The following RBMS3 variants were observed in gnomAD, a reference collection of about 807,000 sequenced individuals.
RBMS3 encodes RNA-binding motif, single-stranded-interacting protein 3.
In RBMS3, 27 loss-of-function variants were observed where a neutral mutation model predicts 66.8. The observed-to-expected ratio is 0.40, with a 90% CI of 0.30 to 0.56. RBMS3 has a LOEUF of 0.56. Ranked by LOEUF, RBMS3 falls within the 20% of genes least tolerant of loss-of-function variation. RBMS3 has a pLI of 0.40. For missense variants in RBMS3, 513 were observed against 549.5 expected (o/e 0.93, Z 0.66); for synonymous variants, 188 against 183.0 (o/e 1.03, Z -0.22).
chr3:29,470,687 A>G (rs373047592), intron 2 of RBMS3, among the ~76,000 whole-genome samples: 2 of 152,086 alleles, frequency 1.3e-5, no homozygotes, highest in African/African-American at 4.8e-5. Flanking sequence ...TGATACTTGC[A>G]TTAGTTTGAA....
At chr3:29,367,385 C>T (rs931146913) in intron 1 of RBMS3, among the ~76,000 whole-genome samples, 5 of 151,966 alleles carry the variant, frequency 3.3e-5, no homozygotes, top group Non-Finnish European at 7.4e-5. Flanking sequence ...TGAGTGTCTA[C>T]GTGTGTGAGT....
intron 3 of RBMS3, among the ~76,000 whole-genome samples, chr3:29,514,960 C>T (rs1241295372): frequency 6.6e-6 from 1 of 151,888 alleles, no homozygotes; most frequent in Non-Finnish European, 1.5e-5. Context: ...GTCAACGTTA[C>T]CAGCATTTCA....
chr3:29,354,390 C>A (rs960074038), intron 1 of RBMS3, among the ~76,000 whole-genome samples: 4 of 152,126 alleles, frequency 2.6e-5, no homozygotes, highest in African/African-American at 7.2e-5. Flanking sequence ...AAACTGTATT[C>A]TTGCTTCTCA....
chr3:29,958,385 T>A (rs552398192), intron 12 of RBMS3, among the ~76,000 whole-genome samples: 1 of 152,170 alleles, frequency 6.6e-6, no homozygotes, highest in Non-Finnish European at 1.5e-5. Flanking sequence ...TTCCTCTTGA[T>A]TTTTCTCATT....
At chr3:29,534,581 T>A (rs757071368) in intron 3 of RBMS3, among the ~76,000 whole-genome samples, 2 of 152,240 alleles carry the variant, frequency 1.3e-5, no homozygotes, top group Non-Finnish European at 2.9e-5. Flanking sequence ...TCTTTACACC[T>A]TGAGTTAGCA....
chr3:29,281,327 A>T lies in RBMS3; in HGVS notation c.-355A>T, dbSNP rs1273854063. On this transcript the variant is annotated 5_prime_UTR_variant, in exon 1 of 15. Coordinates refer to ENST00000383767, the MANE Select transcript of RBMS3 (RefSeq NM_001003793.3). ...AGGACTTTGATTTTTTTCCCCCTTT[A>T]CGAACGCTGGCAATTGACATCACTA... The T allele has an allele frequency of 1.5e-5, 4 of 268,428 alleles. No individual in the cohort carries two copies. Among genetic ancestry groups the T allele is most frequent in the Non-Finnish European group, 2.8e-5 (4 of 145,152 alleles). The allele number at this position is 268,428 out of a possible 1,614,324, so 16.6% of individuals were successfully genotyped here.
chr3:29,488,850 T>C (rs995417474), intron 3 of RBMS3, among the ~76,000 whole-genome samples: 2 of 152,234 alleles, frequency 1.3e-5, no homozygotes, highest in Non-Finnish European at 2.9e-5. Context: ...AACTTCCCCA[T>C]GCAAAACACA....
chr3:29,912,786 T>C (rs2149635745), intron 10 of RBMS3, among the ~76,000 whole-genome samples: 1 of 152,152 alleles, frequency 6.6e-6, no homozygotes, highest in Non-Finnish European at 1.5e-5. Context: ...TTGGCTGACA[T>C]GTGGCTTATT....
chr3:29,347,688 G>T (rs2036661036), intron 1 of RBMS3, among the ~76,000 whole-genome samples: 1 of 152,128 alleles, frequency 6.6e-6, no homozygotes, highest in Admixed American at 6.5e-5. Context: ...AGTTTGGATG[G>T]AATTACAATT....
chr3:29,611,159 A>G (rs925010261), intron 4 of RBMS3, among the ~76,000 whole-genome samples: 6 of 152,058 alleles, frequency 3.9e-5, no homozygotes, highest in Admixed American at 3.3e-4. Flanking sequence ...GTTCAATGAC[A>G]TATTTTACTA....
intron 1 of RBMS3, among the ~76,000 whole-genome samples, chr3:29,373,978 C>G (rs2038339371): frequency 6.6e-6 from 1 of 152,080 alleles, no homozygotes; most frequent in African/African-American, 2.4e-5. Flanking sequence ...AGCATTAGAG[C>G]ATTAGACACA....
At chr3:29,415,301 T>A (rs897984220) in intron 1 of RBMS3, among the ~76,000 whole-genome samples, 1 of 152,196 alleles carries the variant, frequency 6.6e-6, no homozygotes, top group African/African-American at 2.4e-5. Flanking sequence ...GCAATCGTTT[T>A]TCTTTTTCAG....
intron 3 of RBMS3, among the ~76,000 whole-genome samples, chr3:29,573,886 G>C (rs910613704): frequency 1.3e-5 from 2 of 151,932 alleles, no homozygotes; most frequent in African/African-American, 4.8e-5. Context: ...AATTCCTCTT[G>C]TTGATTTCTA....
intron 8 of RBMS3, among the ~76,000 whole-genome samples, chr3:29,893,079 T>C (rs557155074): frequency 3.3e-5 from 5 of 151,472 alleles, no homozygotes; most frequent in African/African-American, 1.2e-4. Flanking sequence ...TCATCTGGTG[T>C]ATGTTTGGAC....
intron 6 of RBMS3, among the ~76,000 whole-genome samples, chr3:29,829,698 G>C (rs2058313387): frequency 2.0e-5 from 3 of 152,116 alleles, no homozygotes; most frequent in African/African-American, 7.2e-5. Flanking sequence ...GAAACCTTGA[G>C]TCTGACAAAG....
intron 3 of RBMS3, among the ~76,000 whole-genome samples, chr3:29,504,028 G>T (rs560466731): frequency 2.6e-5 from 4 of 152,226 alleles, no homozygotes; most frequent in Non-Finnish European, 5.9e-5. Flanking sequence ...AGATGATTGT[G>T]TTCAGAATTC....
At chr3:29,967,965 T>C (rs1696959386) in intron 12 of RBMS3, among the ~76,000 whole-genome samples, 1 of 152,226 alleles carries the variant, frequency 6.6e-6, no homozygotes, top group Admixed American at 6.5e-5. Flanking sequence ...TTTAATTTCA[T>C]TTAGTTCTGC....
intron 4 of RBMS3, among the ~76,000 whole-genome samples, chr3:29,689,298 T>A (rs1447842445): frequency 6.6e-6 from 1 of 152,152 alleles, no homozygotes; most frequent in Non-Finnish European, 1.5e-5. Context: ...TACATCTTTT[T>A]TCTGTCATTA....
At chr3:29,422,730 G>A (rs1422867440) in intron 1 of RBMS3, among the ~76,000 whole-genome samples, 3 of 151,878 alleles carry the variant, frequency 2.0e-5, no homozygotes, top group African/African-American at 7.3e-5. Flanking sequence ...AATAAATTTT[G>A]AAAATGTATT....
Sources: allele counts gnomAD v4.1 joint callset (sites outside exome capture counted in the v4.1 genomes callset), GRCh38; gene constraint gnomAD v4.1.1; transcripts MANE v1.5; gene names NCBI Gene and HGNC (gene_info 2026-07-23, HGNC 2026-07-21).